DENND4A: variants seen among roughly 807,000 people sequenced by gnomAD.
DENND4A encodes DENN domain containing 4A, also known as C-myc promoter-binding protein.
In DENND4A, 70 loss-of-function variants were observed where a neutral mutation model predicts 199.3. That is an observed-to-expected ratio of 0.35 (90% CI 0.29 to 0.43). DENND4A has a LOEUF of 0.43. DENND4A is among the 20% of genes least tolerant of loss of function. The probability of loss-of-function intolerance (pLI) is 1.00; values close to 1 mark genes in which losing one functional copy is unlikely to be tolerated. For missense variants in DENND4A, 1,723 were observed against 2,255.8 expected, an observed-to-expected ratio of 0.76 and a Z score of 4.78; for synonymous variants, 686 against 766.9, an observed-to-expected ratio of 0.89 and a Z score of 1.74.
intron 4 of DENND4A, among the ~76,000 whole-genome samples, chr15:65,746,905 T>C (rs1305085560): frequency 5.5e-5 from 8 of 144,426 alleles, no homozygotes; most frequent in African/African-American, 1.0e-4. Flanking sequence ...TGTTCTCTAC[T>C]AAAAAAATGG....
intron 2 of DENND4A, among the ~76,000 whole-genome samples, chr15:65,758,195 G>C (rs1313636035): frequency 6.6e-6 from 1 of 152,008 alleles, no homozygotes; most frequent in Non-Finnish European, 1.5e-5. Context: ...AATAAAAGTA[G>C]GTAAGAGAGT....
rs1019861154 is a variant in DENND4A at position 65,670,064 on chromosome 15, A to G, written c.4589T>C (p.Ile1530Thr). 10 of 1,602,512 alleles carry G rather than the reference A, an allele frequency of 6.2e-6. No individual in the cohort carries two copies. The Admixed American group carries it at 6.9e-5, about 11-fold the overall frequency. Residue 1530 changes from isoleucine (I) to threonine (T), a missense_variant, in exon 26 of 33, where the codon ATC (isoleucine) becomes ACC (threonine). Physicochemically the swap from Ile to Thr is moderately conservative, Grantham distance 89. This residue lies in a region of DENND4A where 141 missense variants were observed against 170.7 expected (regional missense o/e 0.83). Coordinates refer to ENST00000443035, the MANE Select transcript of DENND4A (RefSeq NM_001320835.1). ...LNTTCPFCGNIFLPFLNIEIR... is the reference protein window; with the variant it reads ...LNTTCPFCGNTFLPFLNIEIR... ...TTCTATATTCAGAAAGGGTAAGAAG[A>G]TATTGCCACAGAATGGGCATGTAGT...
At chr15:65,689,402 A>T (rs995354422) in intron 23 of DENND4A, among the ~76,000 whole-genome samples, 2 of 152,172 alleles carry the variant, frequency 1.3e-5, no homozygotes, top group Non-Finnish European at 2.9e-5. Flanking sequence ...ATTGTATATT[A>T]AAAACTGTAA....
intron 4 of DENND4A, among the ~76,000 whole-genome samples, chr15:65,743,108 C>T (rs1417485408): frequency 1.3e-5 from 2 of 152,116 alleles, no homozygotes; most frequent in Admixed American, 6.5e-5. Context: ...AACGGTCTTC[C>T]TCCTTCCACC....
chr15:65,764,019 T>C (rs1477203956), intron 1 of DENND4A, among the ~76,000 whole-genome samples: 1 of 152,214 alleles, frequency 6.6e-6, no homozygotes, highest in Non-Finnish European at 1.5e-5. Flanking sequence ...TATATAGAAA[T>C]ACTTGTAAAT....
chr15:65,686,988 C>T (rs1013772418), intron 23 of DENND4A, among the ~76,000 whole-genome samples: 1 of 152,164 alleles, frequency 6.6e-6, no homozygotes, highest in African/African-American at 2.4e-5. Context: ...CAAGCATGAG[C>T]CACCATGCCT....
Position 65,750,902 on chromosome 15 carries a change from A to G in DENND4A, c.561+1477T>C, listed in dbSNP as rs143592364. 1.5e-3 allele frequency among the ~76,000 whole-genome samples: 235 copies of G among 152,288 alleles called. 1 individual carries two copies. Among genetic ancestry groups the G allele is most frequent in the African/African-American group, 5.2e-3 (216 of 41,570 alleles). Reference sequence around the variant, plus strand: ...TTTAAAGGATCACTCTTGTCTATGCAAAGAATATGATAGAGAGAGCAGAAG... The same window carrying G: ...TTTAAAGGATCACTCTTGTCTATGCGAAGAATATGATAGAGAGAGCAGAAG... On this transcript the variant is annotated intron_variant, in intron 4 of 32. Coordinates refer to ENST00000443035, the MANE Select transcript of DENND4A (RefSeq NM_001320835.1).
At position 65,660,146 on chromosome 15, in the gene DENND4A, A is replaced by G; in HGVS notation, c.*1705T>C. 1 of 617,420 alleles carries G rather than the reference A, an allele frequency of 1.6e-6. No individual in the cohort carries two copies. The highest frequency in any genetic ancestry group is 2.9e-6 in the Non-Finnish European group (1 of 349,724). 38.2% of individuals were successfully genotyped at this position (617,420 alleles called of 1,614,324 possible). On this transcript the variant is annotated 3_prime_UTR_variant, in exon 33 of 33. Transcript: ENST00000443035. ...CATGAAGCTTGGATCTGAATAGTAA[A>G]GAATAATATTGGAGTGGTATTTACA...
intron 23 of DENND4A, among the ~76,000 whole-genome samples, chr15:65,681,766 C>T (rs1219963510): frequency 6.6e-6 from 1 of 152,008 alleles, no homozygotes; most frequent in Non-Finnish European, 1.5e-5. Flanking sequence ...CAGGGTTTTG[C>T]CATGTTGCCC....
chr15:65,675,427 C>T (rs1165869085), intron 24 of DENND4A, among the ~76,000 whole-genome samples: 8 of 151,912 alleles, frequency 5.3e-5, no homozygotes, highest in Non-Finnish European at 8.8e-5. Context: ...AAGACTGATA[C>T]ATTTGATGAT....
intron 1 of DENND4A, among the ~76,000 whole-genome samples, chr15:65,779,532 T>C (rs945590397): frequency 1.3e-5 from 2 of 152,126 alleles, no homozygotes; most frequent in East Asian, 3.8e-4. Flanking sequence ...AAACTGTTGC[T>C]GAGGCTGGGG....
chr15:65,705,740 TGAAAA>T (rs1567026597), intron 15 of DENND4A, among the ~76,000 whole-genome samples: 1 of 151,782 alleles, frequency 6.6e-6, no homozygotes. Flanking sequence ...GTGTATGAGA[TGAAAA>T]GAGGAATTGA....
chr15:65,747,451 A>C (rs1253507537), intron 4 of DENND4A, among the ~76,000 whole-genome samples: 1 of 152,214 alleles, frequency 6.6e-6, no homozygotes, highest in Non-Finnish European at 1.5e-5. Flanking sequence ...AGGCACAGAG[A>C]GGTTAAGCTA....
intron 1 of DENND4A, among the ~76,000 whole-genome samples, chr15:65,768,832 A>G: frequency 6.6e-6 from 1 of 152,054 alleles, no homozygotes; most frequent in South Asian, 2.1e-4. Flanking sequence ...AAAAATACAA[A>G]AAAAAGAAAA....
At chr15:65,696,789 A>G (rs1229572405) in intron 21 of DENND4A, 3 of 264,596 alleles carry the variant, frequency 1.1e-5, no homozygotes, top group Non-Finnish European at 2.2e-5. Context: ...GGGGGTAAAT[A>G]TAATCACAAT....
At chr15:65,742,135 C>G (rs2076275921) in intron 4 of DENND4A, among the ~76,000 whole-genome samples, 1 of 152,178 alleles carries the variant, frequency 6.6e-6, no homozygotes, top group African/African-American at 2.4e-5. Context: ...TTTGACTCCA[C>G]AATCTGTTTC....
intron 19 of DENND4A, 32 bp from the exon 20 acceptor site, chr15:65,700,707 C>T: frequency 6.6e-7 from 1 of 1,506,254 alleles, no homozygotes; most frequent in African/African-American, 1.4e-5. Context: ...CATTTTACTA[C>T]TCGAAGAGGT....
In DENND4A at chr15:65,691,529, T is replaced by C. The variant is rs2076969801; in HGVS notation, c.3083-18A>G. 6.5e-7 allele frequency: 1 copy of C among 1,536,232 alleles called. No homozygotes were observed. The highest frequency in any genetic ancestry group is 8.7e-7 in the Non-Finnish European group (1 of 1,146,024). On this transcript the variant is annotated intron_variant, in intron 22 of 32. Coordinates refer to ENST00000443035, the MANE Select transcript of DENND4A (RefSeq NM_001320835.1). ...TGTGCTTTCTGAAAAACAAGTAAAG[T>C]GCTTTTAGCCATGAAAATATAATAG... is the stretch of plus-strand genomic sequence containing the variant.
In DENND4A at chr15:65,737,697, C is replaced by T; in HGVS notation, c.1040+10G>A. 2 of 1,559,124 alleles carry T rather than the reference C, an allele frequency of 1.3e-6. No individual in the cohort carries two copies. The highest frequency in any genetic ancestry group is 1.7e-6 in the Non-Finnish European group (2 of 1,151,676). On this transcript the variant is annotated intron_variant, in intron 7 of 32. Coordinates refer to ENST00000443035, the MANE Select transcript of DENND4A (RefSeq NM_001320835.1). ...TCTGTCAAATGTTGAACCAAGAACACTTAACTTACTTCTCAATTGGAAGGA... is the reference window on the plus strand; with the variant it reads ...TCTGTCAAATGTTGAACCAAGAACATTTAACTTACTTCTCAATTGGAAGGA...
Sources: gnomAD v4.1 joint callset for allele counts (sites outside exome capture counted in the v4.1 genomes callset) on GRCh38, gnomAD v4.1.1 for gene constraint, gnomAD v4.1.1 regional missense constraint, MANE v1.5 for transcripts, NCBI Gene and HGNC (gene_info 2026-07-23, HGNC 2026-07-21) for gene names.